The following TDP2 variants were observed in gnomAD, a reference collection of about 807,000 sequenced individuals.
TDP2 encodes the protein 5'-Tyr-DNA phosphodiesterase.
A neutral mutation model predicts 42.8 loss-of-function variants in TDP2; 38 were observed. The observed-to-expected ratio is 0.89, with a 90% CI of 0.68 to 1.16. The LOEUF is 1.16. Ranked by LOEUF, TDP2 falls within the 50% of genes most tolerant of loss-of-function variation. The pLI, the probability that TDP2 is intolerant of heterozygous loss-of-function variation, is 0.00. For missense variants in TDP2, 439 were observed against 439.3 expected (o/e 1.00, Z 0.01); for synonymous variants, 173 against 150.6 (o/e 1.15, Z -1.09).
At chr6:24,666,008 T>C (rs369254180) in intron 2 of TDP2, 17 of 1,394,576 alleles carry the variant, frequency 1.2e-5, no homozygotes, top group African/African-American at 8.8e-5. Context: ...TGGAGCCAAA[T>C]AGTAGAGGGC....
At position 24,654,396 on chromosome 6, in the gene TDP2, T is replaced by TTTAA. The variant is rs1284871115; in HGVS notation, c.636+12_636+15dup. On this transcript the variant is annotated intron_variant, in intron 5 of 6. Coordinates refer to ENST00000378198, the MANE Select transcript of TDP2 (RefSeq NM_016614.3). ...TCTTTTTTTTATAAAACACTCAATT[T>TTTAA]TTAAAAATTACTCACATGCACACAT... is the stretch of plus-strand genomic sequence containing the variant. The TTTAA allele has an allele frequency of 1.6e-6, 2 of 1,226,294 alleles. No individual in the cohort carries two copies. The highest frequency in any genetic ancestry group is 2.3e-6 in the Non-Finnish European group (2 of 867,804). 76.0% of individuals were successfully genotyped at this position (1,226,294 alleles called of 1,614,324 possible). A position where few individuals can be genotyped will look rare whatever the true frequency, so the allele number is the denominator to read the frequency against.
Position 24,654,516 on chromosome 6 carries a change from A to G in TDP2, c.532T>C (p.Tyr178His). The G allele has an allele frequency of 6.6e-7, 1 of 1,516,056 alleles. No individual in the cohort carries two copies. The highest frequency in any genetic ancestry group is 9.1e-7 in the Non-Finnish European group (1 of 1,101,122). 93.9% of individuals were successfully genotyped at this position (1,516,056 alleles called of 1,614,324 possible). A position where few individuals can be genotyped will look rare whatever the true frequency, so the allele number is the denominator to read the frequency against. Residue 178 changes from tyrosine (Y) to histidine (H), a missense_variant, in exon 5 of 7, where the codon TAT becomes CAT. Transcript: ENST00000378198. Reference protein sequence around the residue: ...YEIITGHEEGYFTAIMLKKSR... With the variant: ...YEIITGHEEGHFTAIMLKKSR... ...TTCTTCAACATTATAGCTGTGAAAT[A>G]TCCTTCTTCATGACCTACAAATGTT... is the stretch of plus-strand genomic sequence containing the variant.
intron 2 of TDP2, among the ~76,000 whole-genome samples, chr6:24,661,831 G>A (rs201592625): frequency 8.4e-6 from 1 of 119,134 alleles, no homozygotes; most frequent in Non-Finnish European, 1.8e-5. Flanking sequence ...GGGGGAAAGA[G>A]AGATCAGACT....
intron 2 of TDP2, among the ~76,000 whole-genome samples, chr6:24,663,611 G>C (rs918567734): frequency 6.6e-6 from 1 of 152,122 alleles, no homozygotes. Context: ...CTATCTTCAC[G>C]ATACTGAGTT....
chr6:24,650,747 A>G lies in TDP2; in HGVS notation c.*41T>C. 6.3e-7 allele frequency: 1 copy of G among 1,591,414 alleles called. No homozygotes were observed. The highest frequency in any genetic ancestry group is 8.6e-7 in the Non-Finnish European group (1 of 1,166,228). ...TACCTTTCCAGAAGGTGGAAATTGTATTTGCAACAATCAGGGCAAAACCCA... is the reference window on the plus strand; with the variant it reads ...TACCTTTCCAGAAGGTGGAAATTGTGTTTGCAACAATCAGGGCAAAACCCA... On this transcript the variant is annotated 3_prime_UTR_variant, in exon 7 of 7. Coordinates refer to ENST00000378198, the MANE Select transcript of TDP2 (RefSeq NM_016614.3).
intron 2 of TDP2, among the ~76,000 whole-genome samples, chr6:24,659,753 C>T (rs1419876484): frequency 6.6e-6 from 1 of 152,190 alleles, no homozygotes; most frequent in Admixed American, 6.5e-5. Flanking sequence ...ATGCCCCTCC[C>T]CTTTGAATCC....
chr6:24,661,556 C>CT (rs1778147913), intron 2 of TDP2, among the ~76,000 whole-genome samples: 1 of 152,176 alleles, frequency 6.6e-6, no homozygotes, highest in South Asian at 2.1e-4. Context: ...CATTAAGCCC[C>CT]TTTCATTCTA....
intron 4 of TDP2, 25 bp downstream of exon 4, chr6:24,657,782 AAAGAC>A (rs1778080217): frequency 7.6e-7 from 1 of 1,324,258 alleles, no homozygotes; most frequent in Non-Finnish European, 1.1e-6. Flanking sequence ...TTTTCAAAGA[AAAGAC>A]AAGTTGAATA....
At chr6:24,663,864 A>G (rs1778191371) in intron 2 of TDP2, among the ~76,000 whole-genome samples, 1 of 152,202 alleles carries the variant, frequency 6.6e-6, no homozygotes, top group Admixed American at 6.5e-5. Flanking sequence ...CCTAATACAA[A>G]TATCTCTGCA....
intron 4 of TDP2, 62 bp downstream of exon 4, chr6:24,657,750 T>G: frequency 1.0e-6 from 1 of 983,076 alleles, no homozygotes; most frequent in Non-Finnish European, 1.5e-6. Flanking sequence ...CCAACTTTGA[T>G]TTATCTCTTT....
intron 2 of TDP2, among the ~76,000 whole-genome samples, chr6:24,662,602 G>A (rs1344504605): frequency 2.8e-5 from 4 of 143,340 alleles, no homozygotes; most frequent in African/African-American, 8.1e-5. Flanking sequence ...CCGAGATGGG[G>A]ATAGTGATCA....
In TDP2 at chr6:24,654,469, G is replaced by A. The variant is rs747623866; in HGVS notation, c.579C>T (p.Ser193=). The A allele has an allele frequency of 8.2e-6, 13 of 1,590,052 alleles. No homozygotes were observed. In the African/African-American group the frequency reaches 1.8e-4, roughly 21 times the overall value. The change falls in exon 5 of 7, where the codon AGC becomes AGT. Residue 193 remains serine (S), a synonymous_variant. Transcript: ENST00000378198. ...MLKKSRVKLK[S]QEIIPFPSTK... Reference sequence around the variant, plus strand: ...TACTTGGAAAAGGAATAATCTCTTGGCTTTTTAATTTCACTCTTGATTTCT... The same window carrying A: ...TACTTGGAAAAGGAATAATCTCTTGACTTTTTAATTTCACTCTTGATTTCT...
At chr6:24,653,644 C>A (rs574441144) in intron 5 of TDP2, among the ~76,000 whole-genome samples, 1 of 152,336 alleles carries the variant, frequency 6.6e-6, no homozygotes, top group East Asian at 1.9e-4. Context: ...AAGACACCAA[C>A]AATGTACAAT....
Position 24,666,586 on chromosome 6 carries a change from G to T in TDP2, c.191C>A (p.Pro64His). The change falls in exon 2 of 7, where the codon CCT becomes CAT. Residue 64 changes from proline to histidine, a missense_variant. Transcript: ENST00000378198. ...MERALNSYFE[P>H]PVEESALERR... Reference sequence around the variant, plus strand: ...TTCCAAGGCGCTCTCCTCCACCGGAGGCTCGAAGTAGGAGTTCAGAGCCCT... The same window carrying T: ...TTCCAAGGCGCTCTCCTCCACCGGATGCTCGAAGTAGGAGTTCAGAGCCCT... The T allele has an allele frequency of 6.2e-7, 1 of 1,614,224 alleles. No individual in the cohort carries two copies. The highest frequency in any genetic ancestry group is 8.5e-7 in the Non-Finnish European group (1 of 1,180,018).
chr6:24,658,610 G>T lies in TDP2; in HGVS notation c.376C>A (p.Leu126Ile), dbSNP rs1441592351. ...LITWNIDGLD[L>I]NNLSERARGV... ...CGAGCCCTCTCTGACAGATTGTTTA[G>T]ATCTAATCCATCAATATTCCAGGTA... Residue 126 changes from leucine (L) to isoleucine (I), a missense_variant, in exon 3 of 7, where the codon CTA becomes ATA. Transcript: ENST00000378198. 6 of 1,613,752 alleles carry T rather than the reference G, an allele frequency of 3.7e-6. No homozygotes were observed. Among genetic ancestry groups the T allele is most frequent in the Non-Finnish European group, 5.1e-6 (6 of 1,179,856 alleles).
At chr6:24,651,954 C>T (rs1316968100) in intron 6 of TDP2, among the ~76,000 whole-genome samples, 1 of 151,486 alleles carries the variant, frequency 6.6e-6, no homozygotes, top group African/African-American at 2.4e-5. Context: ...GCAACCATGA[C>T]TACCATCCAT....
rs1176359807 is a variant in TDP2, at chr6:24,650,847, A to T, written c.1030T>A (p.Cys344Ser). The change falls in exon 7 of 7, where the codon TGT becomes AGT. Residue 344 changes from cysteine to serine, a missense_variant. Transcript: ENST00000378198. ...CAGTGATCACTAGGAAATCTACCAC[A>T]GTCCAGTTTTTCTAATCCAAGAAGG... ...LDLLGLEKLD[C>S]GRFPSDHWGL... is the part of the protein sequence containing the mutation. The T allele has an allele frequency of 1.2e-6, 2 of 1,614,026 alleles. No homozygotes were observed. The highest frequency in any genetic ancestry group is 1.7e-6 in the Non-Finnish European group (2 of 1,179,992).
At chr6:24,666,010 G>A in intron 2 of TDP2, 1 of 1,423,228 alleles carries the variant, frequency 7.0e-7, no homozygotes, top group Non-Finnish European at 9.2e-7. Flanking sequence ...GAGCCAAATA[G>A]TAGAGGGCCT....
chr6:24,666,479 T>G (rs1215010909), intron 2 of TDP2, 47 bp downstream of exon 2: 1 of 1,591,658 alleles, frequency 6.3e-7, no homozygotes, highest in South Asian at 1.1e-5. Context: ...CTACCTGGTA[T>G]CAAACTGCCT....
Sources: gnomAD v4.1 joint callset for allele counts (sites outside exome capture counted in the v4.1 genomes callset) on GRCh38, gnomAD v4.1.1 for gene constraint, MANE v1.5 for transcripts, NCBI Gene and HGNC (gene_info 2026-07-23, HGNC 2026-07-21) for gene names.